Variants in DMD observed in about 807,000 individuals in gnomAD.
The protein encoded by DMD is mutant dystrophin.
Under a neutral mutation model 330.1 loss-of-function variants are expected in DMD, and 63 were observed. The ratio of observed to expected loss-of-function variants is 0.19; its 90% CI spans 0.16 to 0.24. The LOEUF (loss-of-function observed/expected upper bound fraction) is 0.24, where lower values mean the gene tolerates loss of function less well. Among genes scored for constraint, DMD ranks in the 10% least tolerant of loss-of-function variants. The pLI is 1.00. For missense variants in DMD, 3,344 were observed against 2,684.1 expected (o/e 1.25, Z -5.43); for synonymous variants, 1,223 against 959.8 (o/e 1.27, Z -5.07).
At chrX:32,245,610 C>T (rs1235025894) in intron 43 of DMD, among the ~76,000 whole-genome samples, 1 of 68,511 alleles carries the variant, frequency 1.5e-5, no homozygotes, top group Non-Finnish European at 2.6e-5. Flanking sequence ...AATGTTCTTC[C>T]ATTTGTTTGT....
chrX:32,277,909 C>A (rs2097396874), intron 43 of DMD, among the ~76,000 whole-genome samples: 1 of 110,166 alleles, frequency 9.1e-6, no homozygotes, highest in African/African-American at 3.3e-5. Flanking sequence ...AAGACCTAGA[C>A]AAGCAGGAGC....
At chrX:32,701,054 C>A (rs6631631) in intron 7 of DMD, among the ~76,000 whole-genome samples, 15,052 of 111,595 alleles carry the variant, frequency 0.13, 2,352 homozygotes, top group African/African-American at 0.45. Context: ...TACAGTGCTT[C>A]TCAATTCTTA....
Position 31,478,203 on chromosome X carries a change from T to C in DMD, c.8840A>G (p.Asp2947Gly), listed in dbSNP as rs2067950687. Reference sequence around the variant, plus strand: ...CACCTCAGCTTGGCGCAGCTTGAGGTCCAGCTCATCCGTGGCCTCTTGAAG... The same window carrying C: ...CACCTCAGCTTGGCGCAGCTTGAGGCCCAGCTCATCCGTGGCCTCTTGAAG... The part of the protein sequence containing the change: ...RELQEATDEL[D>G]LKLRQAEVIK... Residue 2947 changes from aspartate to glycine, a missense_variant, in exon 59 of 79, where the codon GAC (aspartate) becomes GGC (glycine). Physicochemically the swap from Asp to Gly is moderately conservative, Grantham distance 94. Coordinates refer to ENST00000357033, the MANE Select transcript of DMD (RefSeq NM_004006.3). 1 of 1,208,822 alleles carries C rather than the reference T, an allele frequency of 8.3e-7. No individual in the cohort carries two copies. The highest frequency in any genetic ancestry group is 3.0e-5 in the East Asian group (1 of 33,729).
chrX:32,346,887 T>G (rs2147044581), intron 38 of DMD, among the ~76,000 whole-genome samples: 1 of 111,919 alleles, frequency 8.9e-6, no homozygotes, highest in Non-Finnish European at 1.9e-5. Context: ...CACCTTTAGT[T>G]TTCTTTCTTT....
chrX:31,792,729 C>G (rs781778946), intron 50 of DMD, among the ~76,000 whole-genome samples: 5 of 111,746 alleles, frequency 4.5e-5, no homozygotes, highest in African/African-American at 1.6e-4. Context: ...AGTGCATGAG[C>G]ACTGGAGCAG....
intron 9 of DMD, among the ~76,000 whole-genome samples, chrX:32,686,559 C>CAAAAAAA (rs750534167): frequency 3.4e-3 from 98 of 28,443 alleles, no homozygotes; most frequent in African/African-American, 7.3e-3. Flanking sequence ...AACTCCATCT[C>CAAAAAAA]AAAAAAAAAA....
intron 7 of DMD, among the ~76,000 whole-genome samples, chrX:32,733,335 T>A (rs1203858142): frequency 1.8e-5 from 2 of 109,609 alleles, no homozygotes; most frequent in East Asian, 2.9e-4. Context: ...CACCCCACTG[T>A]CAACATTAGA....
chrX:32,231,055 T>G (rs1447936739), intron 43 of DMD, among the ~76,000 whole-genome samples: 1 of 112,304 alleles, frequency 8.9e-6, no homozygotes, highest in African/African-American at 3.2e-5. Context: ...TTCTTGCCCT[T>G]TAAGGCTCAA....
rs746938167 is a variant in DMD at position 31,119,485 on chromosome X, T to TAATA, written c.*2430_*2433dup. The TAATA allele has an allele frequency of 1.8e-5, 2 of 112,609 alleles. No individual in the cohort carries two copies. The highest frequency in any genetic ancestry group is 6.5e-5 in the African/African-American group (2 of 30,979). 9.3% of individuals were successfully genotyped at this position (112,609 alleles called of 1,213,427 possible). ...TTCAGTTACATTATGATTTACAGTT[T>TAATA]AATACTTGGTGGTTATAAAGAACAC... On this transcript the variant is annotated 3_prime_UTR_variant, in exon 79 of 79. Transcript: ENST00000357033.
intron 44 of DMD, among the ~76,000 whole-genome samples, chrX:32,154,342 T>C (rs1053712693): frequency 4.5e-5 from 5 of 112,319 alleles, no homozygotes; most frequent in Non-Finnish European, 9.4e-5. Flanking sequence ...CTTAATAACT[T>C]TTAAAAATAT....
intron 41 of DMD, among the ~76,000 whole-genome samples, chrX:32,336,046 A>G (rs5972537): frequency 1.1e-4 from 4 of 36,589 alleles, no homozygotes; most frequent in African/African-American, 1.5e-4. Context: ...TATAACGTGT[A>G]TATATAACGT....
At chrX:32,190,140 G>T (rs1455820257) in intron 44 of DMD, among the ~76,000 whole-genome samples, 1 of 110,802 alleles carries the variant, frequency 9.0e-6, no homozygotes, top group East Asian at 2.8e-4. Context: ...ATGGGCAGAG[G>T]TCAGTTGTGA....
At chrX:32,825,562 T>C (rs908817210) in intron 4 of DMD, among the ~76,000 whole-genome samples, 6 of 112,294 alleles carry the variant, frequency 5.3e-5, no homozygotes, top group Non-Finnish European at 7.5e-5. Flanking sequence ...ATTAAGATAT[T>C]GGTAGACCAA....
chrX:33,256,487 C>T (rs760017056), intron 1 of DMD, among the ~76,000 whole-genome samples: 46 of 109,604 alleles, frequency 4.2e-4, no homozygotes, highest in African/African-American at 1.5e-3. Flanking sequence ...AATACAAATC[C>T]TTCAAAATCT....
intron 9 of DMD, among the ~76,000 whole-genome samples, chrX:32,656,748 G>A (rs183820141): frequency 7.9e-4 from 88 of 111,626 alleles, no homozygotes; most frequent in African/African-American, 2.7e-3. Flanking sequence ...CACTGACCCC[G>A]TGCCTAACAG....
At chrX:33,006,858 G>A (rs368906180) in intron 2 of DMD, among the ~76,000 whole-genome samples, 3 of 111,203 alleles carry the variant, frequency 2.7e-5, no homozygotes, top group South Asian at 7.5e-4. Flanking sequence ...TCTTGCAATA[G>A]TCTTTCTTAT....
chrX:32,000,156 C>T (rs1342866606), intron 44 of DMD, among the ~76,000 whole-genome samples: 2 of 112,168 alleles, frequency 1.8e-5, no homozygotes, highest in Non-Finnish European at 3.8e-5. Flanking sequence ...CTTGGACAAT[C>T]CATGCACAAT....
At chrX:31,233,470 C>A (rs1231057109) in intron 63 of DMD, among the ~76,000 whole-genome samples, 1 of 107,235 alleles carries the variant, frequency 9.3e-6, no homozygotes, top group Non-Finnish European at 1.9e-5. Flanking sequence ...TATACCTTTG[C>A]AAAGCCAAAT....
intron 13 of DMD, among the ~76,000 whole-genome samples, chrX:32,587,605 T>G: frequency 9.0e-6 from 1 of 111,206 alleles, no homozygotes; most frequent in Non-Finnish European, 1.9e-5. Flanking sequence ...AGTATTTCCT[T>G]TTATTTTCTT....
Sources: allele counts gnomAD v4.1 joint callset (sites outside exome capture counted in the v4.1 genomes callset), GRCh38; gene constraint gnomAD v4.1.1; transcripts MANE v1.5; gene names NCBI Gene and HGNC (gene_info 2026-07-23, HGNC 2026-07-21).